Variants in CCSER2 observed in about 807,000 individuals in gnomAD.
The protein encoded by CCSER2 is coiled-coil serine rich protein 2.
A neutral mutation model predicts 92.3 loss-of-function variants in CCSER2; 46 were observed. The ratio of observed to expected loss-of-function variants is 0.50; its 90% CI spans 0.39 to 0.64. The LOEUF (loss-of-function observed/expected upper bound fraction) is 0.64, where lower values mean the gene tolerates loss of function less well. Among genes scored for constraint, CCSER2 ranks in the 30% least tolerant of loss-of-function variants. CCSER2 has a pLI of 0.00. For synonymous variants in CCSER2, 433 were observed against 431.4 expected, an observed-to-expected ratio of 1.00 and a Z score of -0.04; for missense variants, 1,244 against 1,238.9, an observed-to-expected ratio of 1.00 and a Z score of -0.06.
intron 7 of CCSER2, among the ~76,000 whole-genome samples, chr10:84,464,372 A>G (rs1275067841): frequency 6.6e-6 from 1 of 152,172 alleles, no homozygotes; most frequent in East Asian, 1.9e-4. Flanking sequence ...ACTGAAAATG[A>G]GATTAATTTC....
At chr10:84,429,612 C>G (rs1410041662) in intron 5 of CCSER2, among the ~76,000 whole-genome samples, 2 of 142,634 alleles carry the variant, frequency 1.4e-5, no homozygotes, top group Non-Finnish European at 3.0e-5. Flanking sequence ...CCTGCCACCA[C>G]CACCCCCCCC....
rs751019604 is a variant in CCSER2, at chr10:84,425,853, C to G, written c.1828C>G (p.Pro610Ala). 6.2e-7 allele frequency: 1 copy of G among 1,611,684 alleles called. No individual in the cohort carries two copies. The highest frequency in any genetic ancestry group is 1.7e-5 in the Admixed American group (1 of 59,740). Residue 610 changes from proline (P) to alanine (A), a missense_variant, in exon 5 of 10, where the codon CCT (proline) becomes GCT (alanine). By Grantham distance (27) the Pro-to-Ala change is conservative (BLOSUM62 -1). Coordinates refer to ENST00000372088, the MANE Select transcript of CCSER2 (RefSeq NM_001284240.2). ...SGQEHYHLSH[P>A]DHYHHHGKSD... Reference sequence around the variant, plus strand: ...ACAGGAGCATTACCACCTCAGCCACCCTGACCACTATCATCACCATGGAAA... The same window carrying G: ...ACAGGAGCATTACCACCTCAGCCACGCTGACCACTATCATCACCATGGAAA...
At position 84,363,147 on chromosome 10, in the gene CCSER2, A is replaced by ATTT. The variant is rs1182773588; in HGVS notation, c.-39-7851_-39-7849dup. Reference sequence around the variant, plus strand: ...CAGGTGTGAGCCACCACACCCAGCTATTTTTTTTTTTTTTTTTTGTATTTT... The same window carrying ATTT: ...CAGGTGTGAGCCACCACACCCAGCTATTTTTTTTTTTTTTTTTTTTTGTATTTT... On this transcript the variant is annotated intron_variant, in intron 1 of 9. Coordinates refer to ENST00000372088, the MANE Select transcript of CCSER2 (RefSeq NM_001284240.2). Among the ~76,000 whole-genome samples, 24 of 84,366 alleles carry ATTT rather than the reference A, an allele frequency of 2.8e-4. 1 individual carries two copies. The highest frequency in any genetic ancestry group is 7.0e-3 in the Middle Eastern group (1 of 142). The allele number at this position is 84,366 out of a possible 152,430, so 55.3% of individuals were successfully genotyped here. A position where few individuals can be genotyped will look rare whatever the true frequency, so the allele number is the denominator to read the frequency against.
chr10:84,462,891 T>C (rs758831376), intron 6 of CCSER2, among the ~76,000 whole-genome samples: 12 of 152,312 alleles, frequency 7.9e-5, no homozygotes, highest in East Asian at 3.9e-4. Context: ...AGAAAAGATA[T>C]ATCTGAGGAA....
At chr10:84,513,013 ATGGTGTACAAC>A (rs1282375885) in intron 9 of CCSER2, among the ~76,000 whole-genome samples, 1 of 151,910 alleles carries the variant, frequency 6.6e-6, no homozygotes, top group Non-Finnish European at 1.5e-5. Flanking sequence ...ACTTGTTAAC[ATGGTGTACAAC>A]TTTTTTTTTT....
chr10:84,470,369 C>T lies in CCSER2; in HGVS notation c.2149-3C>T, dbSNP rs1177874165. On this transcript the variant is annotated splice_region_variant and splice_polypyrimidine_tract_variant and intron_variant, in intron 7 of 9. Coordinates refer to ENST00000372088, the MANE Select transcript of CCSER2 (RefSeq NM_001284240.2). The stretch of plus-strand genomic sequence containing the variant: ...CTCATCTAAAGATTTTTTAATATTT[C>T]AGAATGAAGATTTATTAAATGAAAT... The T allele has an allele frequency of 3.1e-6, 4 of 1,289,426 alleles. No homozygotes were observed. In the Admixed American group the frequency reaches 1.2e-4, roughly 39 times the overall value. 79.9% of individuals were successfully genotyped at this position (1,289,426 alleles called of 1,614,324 possible). A position where few individuals can be genotyped will look rare whatever the true frequency, so the allele number is the denominator to read the frequency against.
At position 84,367,935 on chromosome 10, in the gene CCSER2, C is replaced by T. The variant is rs17103373; in HGVS notation, c.-39-3079C>T. 3.8e-3 allele frequency among the ~76,000 whole-genome samples: 573 copies of T among 152,194 alleles called. 3 individuals carry two copies. The highest frequency in any genetic ancestry group is 9.4e-3 in the African/African-American group (390 of 41,546). On this transcript the variant is annotated intron_variant, in intron 1 of 9. Coordinates refer to ENST00000372088, the MANE Select transcript of CCSER2 (RefSeq NM_001284240.2). ...AATTTGGATACCTAGGTCAAGACTT[C>T]GCTTTTGCCCTTCTGTGGCCCTATG...
chr10:84,337,307 C>A (rs111269748), intron 1 of CCSER2, among the ~76,000 whole-genome samples: 16 of 152,162 alleles, frequency 1.1e-4, no homozygotes, highest in African/African-American at 3.9e-4. Flanking sequence ...AAGCCGCACG[C>A]CTATAAAGAA....
intron 6 of CCSER2, among the ~76,000 whole-genome samples, chr10:84,457,356 T>A (rs1845778555): frequency 1.5e-5 from 1 of 66,416 alleles, no homozygotes; most frequent in Non-Finnish European, 3.0e-5. Context: ...ATATAATATA[T>A]ATATTTATTT....
chr10:84,407,759 A>G (rs1351142249), intron 3 of CCSER2, among the ~76,000 whole-genome samples: 1 of 152,236 alleles, frequency 6.6e-6, no homozygotes, highest in African/African-American at 2.4e-5. Flanking sequence ...TACCCAGGTT[A>G]GTGCTTTGCA....
chr10:84,438,371 G>T, intron 5 of CCSER2, 141 bp from the exon 6 acceptor site: 1 of 536,840 alleles, frequency 1.9e-6, no homozygotes, highest in East Asian at 2.9e-5. Flanking sequence ...ACACATCAGT[G>T]ACTGAGGTGA....
intron 6 of CCSER2, among the ~76,000 whole-genome samples, chr10:84,463,515 C>G (rs1216889268): frequency 6.6e-6 from 1 of 152,124 alleles, no homozygotes; most frequent in Non-Finnish European, 1.5e-5. Flanking sequence ...GCTGCTAAGC[C>G]TTACTGGGTT....
intron 9 of CCSER2, among the ~76,000 whole-genome samples, chr10:84,503,746 C>T (rs539563513): frequency 1.9e-4 from 29 of 152,184 alleles, no homozygotes; most frequent in Middle Eastern, 3.4e-3. Context: ...TTATTTTTAC[C>T]TTCCATGTGC....
intron 6 of CCSER2, among the ~76,000 whole-genome samples, chr10:84,441,755 T>A (rs1386658063): frequency 2.5e-5 from 2 of 80,248 alleles, no homozygotes; most frequent in Non-Finnish European, 5.6e-5. Flanking sequence ...TTTTTTTTTT[T>A]TTTTTTTTTT....
intron 3 of CCSER2, among the ~76,000 whole-genome samples, chr10:84,392,917 T>G (rs1841606789): frequency 6.6e-6 from 1 of 152,170 alleles, no homozygotes; most frequent in Admixed American, 6.5e-5. Context: ...AAGTGCAGTT[T>G]AAGGGTTAGG....
Position 84,371,977 on chromosome 10 carries a change from G to A in CCSER2, c.925G>A (p.Val309Ile). ...GTTGGCTTTACCAAATGGCCCAGGT[G>A]TAACTTCTACTTTAGGTTATAGAAT... ...KKLALPNGPG[V>I]TSTLGYRMVH... Residue 309 changes from valine (V) to isoleucine (I), a missense_variant, in exon 2 of 10, where the codon GTA (valine) becomes ATA (isoleucine). By Grantham distance (29) the Val-to-Ile change is conservative. Coordinates refer to ENST00000372088, the MANE Select transcript of CCSER2 (RefSeq NM_001284240.2). 1 of 1,613,694 alleles carries A rather than the reference G, an allele frequency of 6.2e-7. No homozygotes were observed. Among genetic ancestry groups the A allele is most frequent in the Non-Finnish European group, 8.5e-7 (1 of 1,179,740 alleles).
intron 8 of CCSER2, among the ~76,000 whole-genome samples, chr10:84,474,502 AAT>A (rs925549540): frequency 1.3e-5 from 2 of 152,004 alleles, no homozygotes; most frequent in Non-Finnish European, 2.9e-5. Flanking sequence ...CTCTACTAAA[AAT>A]ACAAAAATTA....
chr10:84,497,487 G>C (rs566343064), intron 9 of CCSER2, among the ~76,000 whole-genome samples: 7 of 152,298 alleles, frequency 4.6e-5, no homozygotes, highest in South Asian at 2.1e-4. Context: ...ATTATGATTT[G>C]TTGGTCTTGG....
intron 1 of CCSER2, among the ~76,000 whole-genome samples, chr10:84,347,639 G>A (rs1229189492): frequency 6.6e-6 from 1 of 151,668 alleles, no homozygotes; most frequent in Non-Finnish European, 1.5e-5. Flanking sequence ...CTGCTGGGCG[G>A]AGACGCTCCT....
Sources: allele counts gnomAD v4.1 joint callset (sites outside exome capture counted in the v4.1 genomes callset), GRCh38; gene constraint gnomAD v4.1.1; transcripts MANE v1.5; gene names NCBI Gene and HGNC (gene_info 2026-07-23, HGNC 2026-07-21).